The following PMEPA1 variants were observed in gnomAD, a reference collection of about 807,000 sequenced individuals.
The protein encoded by PMEPA1 is prostate transmembrane protein, androgen induced 1.
In PMEPA1, 11 loss-of-function variants were observed where a neutral mutation model predicts 23.0. The ratio of observed to expected loss-of-function variants is 0.48; its 90% confidence interval spans 0.30 to 0.79. The LOEUF (loss-of-function observed/expected upper bound fraction) is 0.79, where lower values mean the gene tolerates loss of function less well. Ranked by LOEUF, PMEPA1 falls within the 30% of genes least tolerant of loss-of-function variation. PMEPA1 has a pLI of 0.06. For missense variants in PMEPA1, 377 were observed against 390.9 expected (o/e 0.96, Z 0.30); for synonymous variants, 204 against 166.4 (o/e 1.23, Z -1.74).
intron 1 of PMEPA1, among the ~76,000 whole-genome samples, chr20:57,661,299 G>A (rs929316303): frequency 3.3e-5 from 5 of 152,206 alleles, no homozygotes; most frequent in African/African-American, 1.2e-4. Context: ...GGCCGAGCAC[G>A]GTGCCAGCAG....
chr20:57,698,443 C>T (rs1043857858), intron 1 of PMEPA1, among the ~76,000 whole-genome samples: 7 of 152,236 alleles, frequency 4.6e-5, no homozygotes, highest in South Asian at 2.1e-4. Flanking sequence ...GACTCAATAA[C>T]GAGGAGGCAT....
intron 2 of PMEPA1, among the ~76,000 whole-genome samples, chr20:57,654,497 C>A (rs974520912): frequency 1.3e-5 from 2 of 152,072 alleles, no homozygotes; most frequent in Non-Finnish European, 2.9e-5. Flanking sequence ...CCGTCAGGAC[C>A]GCTCCTACCC....
rs7267098 is a variant in PMEPA1, at chr20:57,675,566, C to T, written c.110-15869G>A. ...CCCACAGGCGGGGCATTCCTTGCTACGAGTGTTTTCCGGTTTGGGGGAGGA... is the reference window on the plus strand; with the variant it reads ...CCCACAGGCGGGGCATTCCTTGCTATGAGTGTTTTCCGGTTTGGGGGAGGA... On this transcript the variant is annotated intron_variant, in intron 1 of 3. Transcript: ENST00000341744. 6.0e-3 allele frequency among the ~76,000 whole-genome samples: 907 copies of T among 151,916 alleles called. 6 individuals are homozygous for T. Among genetic ancestry groups the T allele is most frequent in the African/African-American group, 0.021 (854 of 41,396 alleles).
chr20:57,657,004 A>G (rs2071335542), intron 2 of PMEPA1, among the ~76,000 whole-genome samples: 1 of 152,216 alleles, frequency 6.6e-6, no homozygotes, highest in Non-Finnish European at 1.5e-5. Flanking sequence ...CCAGCCAGGC[A>G]TCCCGGGCGG....
At chr20:57,664,489 T>C (rs203381) in intron 1 of PMEPA1, among the ~76,000 whole-genome samples, 62,767 of 152,116 alleles carry the variant, frequency 0.41, 13,146 homozygotes, top group East Asian at 0.53. Context: ...GTTCAAAACA[T>C]GATGTGTGTA....
intron 1 of PMEPA1, among the ~76,000 whole-genome samples, chr20:57,705,060 C>A (rs1600677830): frequency 6.6e-6 from 1 of 152,214 alleles, no homozygotes; most frequent in African/African-American, 2.4e-5. Flanking sequence ...TTTAACCATT[C>A]CCAACCCAAA....
chr20:57,687,112 G>C (rs534957965), intron 1 of PMEPA1, among the ~76,000 whole-genome samples: 4 of 152,370 alleles, frequency 2.6e-5, no homozygotes, highest in Admixed American at 2.6e-4. Flanking sequence ...TGTGGGCACA[G>C]CCTCTGGTTC....
upstream of PMEPA1, chr20:57,710,956 C>T (rs1029976602): frequency 6.5e-6 from 1 of 152,768 alleles, no homozygotes; most frequent in Non-Finnish European, 1.5e-5. Flanking sequence ...GAGCACCTAC[C>T]TGTGCCAGAA....
rs1478208980 is a variant in PMEPA1 at position 57,709,784 on chromosome 20, C to T, written c.-202G>A. The T allele has an allele frequency of 2.4e-5, 24 of 982,162 alleles. No individual in the cohort carries two copies. The highest frequency in any genetic ancestry group is 4.6e-5 in the South Asian group (1 of 21,900). The allele number at this position is 982,162 out of a possible 1,614,324, so 60.8% of individuals were successfully genotyped here. A position where few individuals can be genotyped will look rare whatever the true frequency, so the allele number is the denominator to read the frequency against. ...GCGGGACCGCGCTCCGCTGCGCCCCCCCGGCCTCCCCTCGGCAGCCCCGGG... is the reference window on the plus strand; with the variant it reads ...GCGGGACCGCGCTCCGCTGCGCCCCTCCGGCCTCCCCTCGGCAGCCCCGGG... On this transcript the variant is annotated 5_prime_UTR_variant, in exon 1 of 4. Transcript: ENST00000341744.
At chr20:57,678,325 T>C (rs1023884568) in intron 1 of PMEPA1, among the ~76,000 whole-genome samples, 1 of 152,250 alleles carries the variant, frequency 6.6e-6, no homozygotes, top group Non-Finnish European at 1.5e-5. Context: ...TCTGTATTAT[T>C]TTTTACAACC....
At position 57,652,395 on chromosome 20, in the gene PMEPA1, C is replaced by T. The variant is rs1337908443; in HGVS notation, c.522G>A (p.Gln174=). ...CCGACTCCCGGTTCAGTTCCAGCTG[C>T]TGCTCGGGGTCCCGAAGCTGGAGGG... is the stretch of plus-strand genomic sequence containing the variant. ...PCTLQLRDPE[Q]QLELNRESVR... is the part of the protein sequence containing the mutation. The change falls in exon 4 of 4, where the codon CAG becomes CAA. Residue 174 remains glutamine, a synonymous_variant. Transcript: ENST00000341744. This position sits in a 1 kb window ranked among gnomAD's most constrained non-coding sequence, Gnocchi z 6.1. The T allele has an allele frequency of 1.4e-5, 23 of 1,613,724 alleles. No homozygotes were observed. Among genetic ancestry groups the T allele is most frequent in the Non-Finnish European group, 1.9e-5 (23 of 1,179,934 alleles).
intron 1 of PMEPA1, among the ~76,000 whole-genome samples, chr20:57,691,304 T>C (rs1358104669): frequency 6.6e-6 from 1 of 152,176 alleles, no homozygotes; most frequent in Non-Finnish European, 1.5e-5. Flanking sequence ...CCCATTAACA[T>C]GGCATGAGGG....
In PMEPA1 at chr20:57,709,774, G is replaced by T. The variant is rs1395133397; in HGVS notation, c.-192C>A. On this transcript the variant is annotated 5_prime_UTR_variant, in exon 1 of 4. Transcript: ENST00000341744. The stretch of plus-strand genomic sequence containing the variant: ...GGCTCAGTGCGCGGGACCGCGCTCC[G>T]CTGCGCCCCCCCGGCCTCCCCTCGG... The T allele has an allele frequency of 6.1e-6, 6 of 981,352 alleles. No homozygotes were observed. Among genetic ancestry groups the T allele is most frequent in the Non-Finnish European group, 7.2e-6 (6 of 827,998 alleles). The allele number at this position is 981,352 out of a possible 1,614,324, so 60.8% of individuals were successfully genotyped here.
chr20:57,660,987 C>T (rs957996504), intron 1 of PMEPA1, among the ~76,000 whole-genome samples: 1 of 152,200 alleles, frequency 6.6e-6, no homozygotes, highest in African/African-American at 2.4e-5. Flanking sequence ...TGCCCACACA[C>T]ACACATCCAT....
At chr20:57,670,059 G>A (rs1405439262) in intron 1 of PMEPA1, among the ~76,000 whole-genome samples, 1 of 151,792 alleles carries the variant, frequency 6.6e-6, no homozygotes, top group Non-Finnish European at 1.5e-5. Flanking sequence ...TAGGAGCACA[G>A]ATACTGCACT....
At chr20:57,711,334 G>A (rs1568693650), upstream of PMEPA1, 2 of 152,238 alleles carry the variant, frequency 1.3e-5, no homozygotes, top group African/African-American at 2.4e-5. Context: ...CTAGACCAGA[G>A]CGAATTCATC....
intron 1 of PMEPA1, among the ~76,000 whole-genome samples, chr20:57,680,151 T>G (rs1191629819): frequency 6.6e-6 from 1 of 152,142 alleles, no homozygotes; most frequent in Non-Finnish European, 1.5e-5. Flanking sequence ...CGTCAGACAC[T>G]CAGACACACC....
intron 1 of PMEPA1, among the ~76,000 whole-genome samples, chr20:57,668,705 A>C (rs932901725): frequency 6.6e-6 from 1 of 152,128 alleles, no homozygotes; most frequent in Non-Finnish European, 1.5e-5. Flanking sequence ...GGTGCTGATC[A>C]CCCATTTCCA....
In PMEPA1 at chr20:57,655,270, C is replaced by T. The variant is rs1015867198; in HGVS notation, c.265-2184G>A. Among the ~76,000 whole-genome samples the T allele has an allele frequency of 4.6e-5, 7 of 152,140 alleles. No individual in the cohort carries two copies. The highest frequency in any genetic ancestry group is 1.7e-4 in the African/African-American group (7 of 41,416). Reference sequence around the variant, plus strand: ...TTTGACTGGCCCCTCAAGCCTCTGCCCAGGTGTGCTAACCCCAGAGCTCTC... The same window carrying T: ...TTTGACTGGCCCCTCAAGCCTCTGCTCAGGTGTGCTAACCCCAGAGCTCTC... On this transcript the variant is annotated intron_variant, in intron 2 of 3. Coordinates refer to ENST00000341744, the MANE Select transcript of PMEPA1 (RefSeq NM_020182.5). The surrounding 1 kb of genome is among the most constrained non-coding windows in gnomAD (Gnocchi z 4.2).
Sources: allele counts gnomAD v4.1 joint callset (sites outside exome capture counted in the v4.1 genomes callset), GRCh38; gene constraint gnomAD v4.1.1; non-coding constraint Gnocchi (gnomAD v3.1); transcripts MANE v1.5; gene names NCBI Gene and HGNC (gene_info 2026-07-23, HGNC 2026-07-21).